Variants in NDOR1 observed in about 807,000 individuals in gnomAD.
The protein encoded by NDOR1 is NADPH dependent diflavin oxidoreductase 1.
In NDOR1, 61 loss-of-function variants were observed where a neutral mutation model predicts 67.2. That is an observed-to-expected ratio of 0.91 (90% CI 0.74 to 1.12). The LOEUF is 1.12. Ranked by LOEUF, NDOR1 falls within the 50% of genes most tolerant of loss-of-function variation. The probability of loss-of-function intolerance (pLI) is 0.00; values close to 1 mark genes in which losing one functional copy is unlikely to be tolerated. For synonymous variants in NDOR1, 378 were observed against 343.7 expected, an observed-to-expected ratio of 1.10 and a Z score of -1.10; for missense variants, 878 against 802.8, an observed-to-expected ratio of 1.09 and a Z score of -1.13.
At position 137,210,501 on chromosome 9, in the gene NDOR1, C is replaced by T. The variant is rs575853177; in HGVS notation, c.214-2001C>T. ...CTAGGTTTGCAGGTGTGAGCCACCA[C>T]ACCTGGCCAGAAATAGTTCTTTAAA... On this transcript the variant is annotated intron_variant, in intron 2 of 13. Coordinates refer to ENST00000684003, the MANE Select transcript of NDOR1 (RefSeq NM_014434.4). 3.3e-5 allele frequency among the ~76,000 whole-genome samples: 5 copies of T among 152,162 alleles called. No individual in the cohort carries two copies. The South Asian group carries it at 6.2e-4, about 19-fold the overall frequency.
rs1002175537 is a variant in NDOR1 at position 137,217,796 on chromosome 9, A to G, written c.*1380A>G. 2.0e-5 allele frequency: 8 copies of G among 395,862 alleles called. No individual in the cohort carries two copies. Among genetic ancestry groups the G allele is most frequent in the Non-Finnish European group, 3.6e-5 (8 of 225,110 alleles). The allele number at this position is 395,862 out of a possible 1,614,324, so 24.5% of individuals were successfully genotyped here. On this transcript the variant is annotated 3_prime_UTR_variant, in exon 14 of 14. Transcript: ENST00000684003. ...CTATCCTGACTCCTGCCCCAGGGCC[A>G]CCACCCCTGAACTGTGCCCTGGGGC...
At chr9:137,209,966 G>A (rs1361049650) in intron 2 of NDOR1, among the ~76,000 whole-genome samples, 2 of 152,206 alleles carry the variant, frequency 1.3e-5, no homozygotes. Context: ...ATTGGTGCAT[G>A]CCTGTAATCT....
intron 1 of NDOR1, 131 bp from the exon 2 acceptor site, chr9:137,206,101 A>G: frequency 6.9e-7 from 1 of 1,443,806 alleles, no homozygotes; most frequent in South Asian, 1.2e-5. Flanking sequence ...CCTGAAAGAG[A>G]AGACGGTCTG....
At position 137,214,259 on chromosome 9, in the gene NDOR1, G is replaced by C. The variant is rs755120218; in HGVS notation, c.568G>C (p.Glu190Gln). The C allele has an allele frequency of 6.2e-7, 1 of 1,613,456 alleles. No homozygotes were observed. Among genetic ancestry groups the C allele is most frequent in the South Asian group, 1.1e-5 (1 of 91,082 alleles). The change falls in exon 6 of 14, where the codon GAG (glutamate) becomes CAG (glutamine). Residue 190 changes from glutamate (E) to glutamine (Q), a missense_variant. Glu to Gln is a conservative substitution (Grantham distance 29, BLOSUM62 2). Transcript: ENST00000684003. ...CCAAGAGGCACCCAGCACGGGCTCT[G>C]AGGGGCAGCGGGTAGCTCACCCCGG... Reference protein sequence around the residue: ...FLQEAPSTGSEGQRVAHPGSQ... With the variant: ...FLQEAPSTGSQGQRVAHPGSQ...
In NDOR1 at chr9:137,214,852, C is replaced by G; in HGVS notation, c.899C>G (p.Ser300Cys). The change falls in exon 8 of 14, where the codon TCC (serine) becomes TGC (cysteine). Residue 300 changes from serine to cysteine, a missense_variant. Transcript: ENST00000684003. ...PQPCSMRHLV[S>C]HYLDIASVPR... ...CCCTGCTCCATGCGGCACCTCGTGT[C>G]CCACTACCTGGACATCGCCAGCGTG... 4 of 1,609,830 alleles carry G rather than the reference C, an allele frequency of 2.5e-6. No individual in the cohort carries two copies. The highest frequency in any genetic ancestry group is 3.4e-6 in the Non-Finnish European group (4 of 1,180,016).
rs373110852 is a variant in NDOR1, at chr9:137,214,255, C to T, written c.564C>T (p.Gly188=). 4.3e-6 allele frequency: 7 copies of T among 1,613,334 alleles called. No individual in the cohort carries two copies. In the African/African-American group the frequency reaches 8.0e-5, roughly 18 times the overall value. The part of the protein sequence containing the change: ...LLFLQEAPST[G]SEGQRVAHPG... ...TCCTCCAAGAGGCACCCAGCACGGGCTCTGAGGGGCAGCGGGTAGCTCACC... is the reference window on the plus strand; with the variant it reads ...TCCTCCAAGAGGCACCCAGCACGGGTTCTGAGGGGCAGCGGGTAGCTCACC... The change falls in exon 6 of 14, where the codon GGC becomes GGT. Residue 188 remains glycine (G), a synonymous_variant. Coordinates refer to ENST00000684003, the MANE Select transcript of NDOR1 (RefSeq NM_014434.4).
At position 137,206,241 on chromosome 9, in the gene NDOR1, A is replaced by C. The variant is rs1469447692; in HGVS notation, c.145A>C (p.Ile49Leu). 4 of 1,613,782 alleles carry C rather than the reference A, an allele frequency of 2.5e-6. No individual in the cohort carries two copies. Among genetic ancestry groups the C allele is most frequent in the Non-Finnish European group, 2.5e-6 (3 of 1,179,978 alleles). Residue 49 changes from isoleucine to leucine, a missense_variant, in exon 2 of 14, where the codon ATT becomes CTT. Physicochemically the swap from Ile to Leu is conservative, Grantham distance 5. Coordinates refer to ENST00000684003, the MANE Select transcript of NDOR1 (RefSeq NM_014434.4). ...GTGTCTTTTTGTTGAGGTGAATCTG[A>C]TTAACGAGCCCCTGGTGATATTTGT... is the stretch of plus-strand genomic sequence containing the variant. ...ALDSYPVVNL[I>L]NEPLVIFVCA...
Position 137,212,907 on chromosome 9 carries a change from A to T in NDOR1, c.311+308A>T, listed in dbSNP as rs527237220. Reference sequence around the variant, plus strand: ...GTGCTGTGAAGTGTTGACGACTTTGAGCCTGGAGGAGGACCCCGTATGCTC... The same window carrying T: ...GTGCTGTGAAGTGTTGACGACTTTGTGCCTGGAGGAGGACCCCGTATGCTC... On this transcript the variant is annotated intron_variant, in intron 3 of 13. Coordinates refer to ENST00000684003, the MANE Select transcript of NDOR1 (RefSeq NM_014434.4). The surrounding 1 kb of genome is among the most constrained non-coding windows in gnomAD (Gnocchi z 4.3). 42 of 368,460 alleles carry T rather than the reference A, an allele frequency of 1.1e-4. No homozygotes were observed. The highest frequency in any genetic ancestry group is 1.8e-4 in the Non-Finnish European group (36 of 196,472). The allele number at this position is 368,460 out of a possible 1,614,324, so 22.8% of individuals were successfully genotyped here.
rs1835161275 is a variant in NDOR1, at chr9:137,209,815, G to T, written c.214-2687G>T. ...TGGTGAAGAAACCCATGGGGCGCTG[G>T]GCGCGCTGGCCCAAGCCTGTAATCC... On this transcript the variant is annotated intron_variant, in intron 2 of 13. Transcript: ENST00000684003. Among the ~76,000 whole-genome samples, 3 of 152,368 alleles carry T rather than the reference G, an allele frequency of 2.0e-5. No homozygotes were observed. In the South Asian group the frequency reaches 6.2e-4, roughly 32 times the overall value.
At chr9:137,210,517 G>T (rs1158419353) in intron 2 of NDOR1, among the ~76,000 whole-genome samples, 1 of 151,874 alleles carries the variant, frequency 6.6e-6, no homozygotes, top group Admixed American at 6.6e-5. Flanking sequence ...GCCAGAAATA[G>T]TTCTTTAAAT....
chr9:137,214,765 G>A (rs530201608), intron 7 of NDOR1, 33 bp from the exon 8 acceptor site: 17 of 1,596,252 alleles, frequency 1.1e-5, no homozygotes, highest in African/African-American at 5.3e-5. Flanking sequence ...GGGCTCCGCC[G>A]CAGCCCACGG....
chr9:137,210,292 C>A (rs985500080), intron 2 of NDOR1, among the ~76,000 whole-genome samples: 7 of 152,202 alleles, frequency 4.6e-5, no homozygotes, highest in Non-Finnish European at 8.8e-5. Context: ...CAGCCATCAA[C>A]GGCTCACTGC....
intron 2 of NDOR1, among the ~76,000 whole-genome samples, chr9:137,208,340 A>G (rs1300469309): frequency 6.6e-6 from 1 of 151,550 alleles, no homozygotes; most frequent in African/African-American, 2.4e-5. Context: ...AGTCCCAGCT[A>G]CTCGGGAGGC....
At position 137,217,603 on chromosome 9, in the gene NDOR1, G is replaced by T. The variant is rs9721517; in HGVS notation, c.*1187G>T. On this transcript the variant is annotated 3_prime_UTR_variant, in exon 14 of 14. Coordinates refer to ENST00000684003, the MANE Select transcript of NDOR1 (RefSeq NM_014434.4). ...GCCAGATCTGGCTGGGGACAGCACC[G>T]CGTGGGCCCAGGATCCACCCAGAGC... 2 of 181,870 alleles carry T rather than the reference G, an allele frequency of 1.1e-5. No homozygotes were observed. The highest frequency in any genetic ancestry group is 2.3e-5 in the African/African-American group (1 of 42,638). 11.3% of individuals were successfully genotyped at this position (181,870 alleles called of 1,614,324 possible).
At position 137,216,186 on chromosome 9, in the gene NDOR1, A is replaced by G. The variant is rs978767759; in HGVS notation, c.1647A>G (p.Ala549=). 1.4e-5 allele frequency: 22 copies of G among 1,613,346 alleles called. No individual in the cohort carries two copies. Among genetic ancestry groups the G allele is most frequent in the Non-Finnish European group, 1.8e-5 (21 of 1,180,028 alleles). ...LDRQGAYFYL[A]GNAKSMPADV... is the part of the protein sequence containing the mutation. Reference sequence around the variant, plus strand: ...GCCAGGGTGCATACTTCTACCTGGCAGGGTGAGCTGGCCTGCGTGCAGCAG... The same window carrying G: ...GCCAGGGTGCATACTTCTACCTGGCGGGGTGAGCTGGCCTGCGTGCAGCAG... Residue 549 remains alanine, a splice_region_variant and synonymous_variant, in exon 13 of 14, where the codon GCA becomes GCG. Transcript: ENST00000684003.
chr9:137,206,262 T>C lies in NDOR1; in HGVS notation c.166T>C (p.Phe56Leu), dbSNP rs558189420. The C allele has an allele frequency of 1.3e-4, 207 of 1,613,886 alleles. 3 individuals are homozygous for C. The South Asian group carries it at 1.9e-3, about 15-fold the overall frequency. Residue 56 changes from phenylalanine to leucine, a missense_variant, in exon 2 of 14, where the codon TTT becomes CTT. Phe to Leu is a conservative substitution (Grantham distance 22). Transcript: ENST00000684003. Reference protein sequence around the residue: ...VNLINEPLVIFVCATTGQGDP... With the variant: ...VNLINEPLVILVCATTGQGDP... ...TCTGATTAACGAGCCCCTGGTGATA[T>C]TTGTTTGTGCAACTACAGGCCAAGG... is the stretch of plus-strand genomic sequence containing the variant.
Position 137,217,801 on chromosome 9 carries a change from C to T in NDOR1, c.*1385C>T, listed in dbSNP as rs1033693214. 9 of 397,266 alleles carry T rather than the reference C, an allele frequency of 2.3e-5. No homozygotes were observed. The highest frequency in any genetic ancestry group is 1.4e-4 in the South Asian group (1 of 7,032). 24.6% of individuals were successfully genotyped at this position (397,266 alleles called of 1,614,324 possible). A position where few individuals can be genotyped will look rare whatever the true frequency, so the allele number is the denominator to read the frequency against. ...CTGACTCCTGCCCCAGGGCCACCAC[C>T]CCTGAACTGTGCCCTGGGGCCCCCA... On this transcript the variant is annotated 3_prime_UTR_variant, in exon 14 of 14. Coordinates refer to ENST00000684003, the MANE Select transcript of NDOR1 (RefSeq NM_014434.4).
rs573263809 is a variant in NDOR1 at position 137,219,358 on chromosome 9, G to A, written c.*2942G>A. On this transcript the variant is annotated 3_prime_UTR_variant, in exon 14 of 14. Coordinates refer to ENST00000684003, the MANE Select transcript of NDOR1 (RefSeq NM_014434.4). ...GCAGCTTTCAATAAACCAGCTCCTG[G>A]GGATGCCATTGTTACTACTTGTCTT... is the stretch of plus-strand genomic sequence containing the variant. The A allele has an allele frequency of 6.6e-6, 1 of 152,166 alleles. No individual in the cohort carries two copies. The highest frequency in any genetic ancestry group is 1.9e-4 in the East Asian group (1 of 5,182). 9.4% of individuals were successfully genotyped at this position (152,166 alleles called of 1,614,324 possible). A position where few individuals can be genotyped will look rare whatever the true frequency, so the allele number is the denominator to read the frequency against.
In NDOR1 at chr9:137,215,440, G is replaced by A. The variant is rs770044668; in HGVS notation, c.1207G>A (p.Val403Ile). 27 of 1,613,328 alleles carry A rather than the reference G, an allele frequency of 1.7e-5. 1 individual carries two copies. The South Asian group carries it at 2.3e-4, about 14-fold the overall frequency. ...HPSRLQILVA[V>I]VQFQTRLKEP... is the part of the protein sequence containing the mutation. ...CTCACGGCTGCAGATCCTCGTGGCT[G>A]TAGTGCAGTTCCAGACTCGCCTCAA... Residue 403 changes from valine (V) to isoleucine (I), a missense_variant, in exon 10 of 14, where the codon GTA becomes ATA. Coordinates refer to ENST00000684003, the MANE Select transcript of NDOR1 (RefSeq NM_014434.4).
Sources: allele counts gnomAD v4.1 joint callset (sites outside exome capture counted in the v4.1 genomes callset), GRCh38; gene constraint gnomAD v4.1.1; non-coding constraint Gnocchi (gnomAD v3.1); transcripts MANE v1.5; gene names NCBI Gene and HGNC (gene_info 2026-07-23, HGNC 2026-07-21).